Variants in DHRS3 observed in about 807,000 individuals in gnomAD.
The protein encoded by DHRS3 is short-chain dehydrogenase/reductase 3.
A neutral mutation model predicts 27.2 loss-of-function variants in DHRS3; 14 were observed. The ratio of observed to expected loss-of-function variants is 0.52; its 90% CI spans 0.34 to 0.81. The LOEUF (loss-of-function observed/expected upper bound fraction) is 0.81, where lower values mean the gene tolerates loss of function less well. Ranked by LOEUF, DHRS3 falls within the 30% of genes least tolerant of loss-of-function variation. DHRS3 has a pLI of 0.01. For missense variants in DHRS3, 322 were observed against 406.2 expected, an observed-to-expected ratio of 0.79 and a Z score of 1.78; for synonymous variants, 165 against 175.9, an observed-to-expected ratio of 0.94 and a Z score of 0.49.
intron 1 of DHRS3, among the ~76,000 whole-genome samples, chr1:12,600,004 T>G (rs1646824367): frequency 6.6e-6 from 1 of 152,204 alleles, no homozygotes; most frequent in Non-Finnish European, 1.5e-5. Flanking sequence ...AGCCCCCGTC[T>G]GTGCTTGCAG....
At chr1:12,569,231 TCA>T (rs57427000) in intron 5 of DHRS3, among the ~76,000 whole-genome samples, 2,510 of 110,306 alleles carry the variant, frequency 0.023, 45 homozygotes, top group African/African-American at 0.059. Flanking sequence ...TCTCTCTCTC[TCA>T]CACACACACA....
At chr1:12,613,219 G>A (rs764088509) in intron 1 of DHRS3, among the ~76,000 whole-genome samples, 3 of 152,166 alleles carry the variant, frequency 2.0e-5, no homozygotes, top group African/African-American at 7.2e-5. Context: ...GTAGTCTTTT[G>A]AGTGGAGAGG....
chr1:12,583,165 A>G (rs527429608), intron 1 of DHRS3, among the ~76,000 whole-genome samples: 61 of 123,026 alleles, frequency 5.0e-4, no homozygotes, highest in African/African-American at 1.7e-3. Flanking sequence ...CACCCACCCC[A>G]CTCCATCCAT....
intron 5 of DHRS3, among the ~76,000 whole-genome samples, chr1:12,570,307 G>A (rs1023610063): frequency 6.6e-6 from 1 of 152,226 alleles, no homozygotes; most frequent in African/African-American, 2.4e-5. Flanking sequence ...CCGTTTACTT[G>A]TCAAGCCTGT....
At chr1:12,600,371 G>A in intron 1 of DHRS3, 1 of 985,372 alleles carries the variant, frequency 1.0e-6, no homozygotes, top group Non-Finnish European at 1.2e-6. Context: ...CTTGTGTCTT[G>A]CCATCCCTTA....
chr1:12,596,514 C>A (rs553756090), intron 1 of DHRS3, among the ~76,000 whole-genome samples: 1 of 152,314 alleles, frequency 6.6e-6, no homozygotes, highest in East Asian at 1.9e-4. Context: ...CACCGCCCCT[C>A]CCTTCCGAAG....
At chr1:12,579,517 C>G in intron 2 of DHRS3, 105 bp from the exon 3 acceptor site, 1 of 1,492,990 alleles carries the variant, frequency 6.7e-7, no homozygotes, top group Non-Finnish European at 8.9e-7. Context: ...ACTCTGTTGT[C>G]CAGGCTGGAG....
chr1:12,569,001 T>C (rs1200578137), intron 5 of DHRS3, among the ~76,000 whole-genome samples: 1 of 152,118 alleles, frequency 6.6e-6, no homozygotes, highest in Non-Finnish European at 1.5e-5. Flanking sequence ...GGTGGGTGGA[T>C]CACCTCAGGA....
At chr1:12,609,262 T>C (rs1218559387) in intron 1 of DHRS3, among the ~76,000 whole-genome samples, 1 of 152,170 alleles carries the variant, frequency 6.6e-6, no homozygotes, top group African/African-American at 2.4e-5. Flanking sequence ...CCTAGTTTGC[T>C]GAATCAATGA....
In DHRS3 at chr1:12,568,268, G is replaced by T; in HGVS notation, c.*72C>A. On this transcript the variant is annotated 3_prime_UTR_variant, in exon 6 of 6. Transcript: ENST00000616661. ...CCAGCAGAAGCATGCCAATGGACAG[G>T]TGCTCGGGTGTGTGCCCAGGTGCTG... 7.3e-7 allele frequency: 1 copy of T among 1,378,442 alleles called. No homozygotes were observed. Among genetic ancestry groups the T allele is most frequent in the Non-Finnish European group, 1.0e-6 (1 of 968,532 alleles). The allele number at this position is 1,378,442 out of a possible 1,614,324, so 85.4% of individuals were successfully genotyped here. A position where few individuals can be genotyped will look rare whatever the true frequency, so the allele number is the denominator to read the frequency against.
chr1:12,609,736 T>C (rs1033259728), intron 1 of DHRS3, among the ~76,000 whole-genome samples: 5 of 152,186 alleles, frequency 3.3e-5, no homozygotes, highest in African/African-American at 1.2e-4. Flanking sequence ...GGTGAGGGCA[T>C]GATGCTTGAG....
At chr1:12,595,917 C>T (rs77184154) in intron 1 of DHRS3, 64,627 of 151,774 alleles carry the variant, frequency 0.43, 14,716 homozygotes, top group South Asian at 0.56. Context: ...CCCCTCCCGC[C>T]CCGGGACCGT....
intron 1 of DHRS3, among the ~76,000 whole-genome samples, chr1:12,603,810 C>T (rs903264824): frequency 1.3e-5 from 2 of 152,214 alleles, no homozygotes; most frequent in Non-Finnish European, 2.9e-5. Context: ...AAGGCTGGGG[C>T]CCAGTGGCCT....
intron 3 of DHRS3, 31 bp downstream of exon 3, chr1:12,579,262 G>C: frequency 1.2e-6 from 2 of 1,613,860 alleles, no homozygotes; most frequent in South Asian, 1.1e-5. Flanking sequence ...CTGCACGCCC[G>C]GGGCTGGCTC....
chr1:12,614,663 C>A (rs910307069), intron 1 of DHRS3, among the ~76,000 whole-genome samples: 1 of 151,162 alleles, frequency 6.6e-6, no homozygotes, highest in African/African-American at 2.4e-5. Flanking sequence ...AAACAGATAA[C>A]TCCTGGACAC....
In DHRS3 at chr1:12,592,963, C is replaced by T. The variant is rs552093130; in HGVS notation, c.196-12297G>A. 6.1e-4 allele frequency among the ~76,000 whole-genome samples: 93 copies of T among 152,320 alleles called. No homozygotes were observed. The highest frequency in any genetic ancestry group is 1.9e-3 in the African/African-American group (79 of 41,568). On this transcript the variant is annotated intron_variant, in intron 1 of 5. Transcript: ENST00000616661. The surrounding 1 kb of genome is among the most constrained non-coding windows in gnomAD (Gnocchi z 4.2). ...TTCTCACCACTTCTCGCCACCTCCA[C>T]GGCGCCTTGGGGCCCTGCCTCAGCG...
intron 2 of DHRS3, 55 bp downstream of exon 2, chr1:12,580,468 C>G (rs752412457): frequency 3.1e-6 from 5 of 1,612,970 alleles, no homozygotes; most frequent in Admixed American, 3.3e-5. Flanking sequence ...TTCTCTTTGC[C>G]CGGAATTAGC....
chr1:12,603,285 T>A (rs2100711868), intron 1 of DHRS3, among the ~76,000 whole-genome samples: 1 of 152,296 alleles, frequency 6.6e-6, no homozygotes, highest in South Asian at 2.1e-4. Context: ...AGAGGGGACA[T>A]CCAGCAAATC....
chr1:12,585,372 TG>T (rs1646688108), intron 1 of DHRS3, among the ~76,000 whole-genome samples: 1 of 129,192 alleles, frequency 7.7e-6, no homozygotes, highest in African/African-American at 2.7e-5. Flanking sequence ...TGTGTCTCTG[TG>T]TGAGTGTGTG....
Sources: gnomAD v4.1 joint callset for allele counts (sites outside exome capture counted in the v4.1 genomes callset) on GRCh38, gnomAD v4.1.1 for gene constraint, Gnocchi (gnomAD v3.1) non-coding constraint, MANE v1.5 for transcripts, NCBI Gene and HGNC (gene_info 2026-07-23, HGNC 2026-07-21) for gene names.